Variants in RARB observed in about 807,000 individuals in gnomAD.
RARB encodes the protein retinoic acid receptor beta, also known as HBV-activated protein.
A neutral mutation model predicts 51.9 loss-of-function variants in RARB; 17 were observed. The ratio of observed to expected loss-of-function variants is 0.33; its 90% CI spans 0.22 to 0.49. The LOEUF is 0.49. Ranked by LOEUF, RARB falls within the 20% of genes least tolerant of loss-of-function variation. The pLI is 0.99. For synonymous variants in RARB, 215 were observed against 195.4 expected, an observed-to-expected ratio of 1.10 and a Z score of -0.84; for missense variants, 369 against 550.8, an observed-to-expected ratio of 0.67 and a Z score of 3.30.
chr3:25,530,991 T>A (rs1260623060), intron 3 of RARB, among the ~76,000 whole-genome samples: 1 of 152,152 alleles, frequency 6.6e-6, no homozygotes, highest in Non-Finnish European at 1.5e-5. Context: ...ATGCATATAG[T>A]TTTTGTTTAG....
chr3:25,085,407 C>G (rs969121625), intron 3 of RARB, among the ~76,000 whole-genome samples: 7 of 152,190 alleles, frequency 4.6e-5, no homozygotes, highest in Admixed American at 2.6e-4. Context: ...ACTCATTCTT[C>G]AAAGATTTTC....
At chr3:25,505,882 T>C (rs150118699) in intron 3 of RARB, among the ~76,000 whole-genome samples, 85 of 152,252 alleles carry the variant, frequency 5.6e-4, no homozygotes, top group African/African-American at 1.7e-3. Flanking sequence ...AATGAAGGCA[T>C]AACATTTGGA....
chr3:25,229,950 T>C (rs1023734932), intron 5 of RARB, among the ~76,000 whole-genome samples: 1 of 152,136 alleles, frequency 6.6e-6, no homozygotes, highest in Non-Finnish European at 1.5e-5. Context: ...TTTGAGATTA[T>C]CAAAGACTTG....
chr3:25,513,392 G>A (rs2125623401), intron 3 of RARB, among the ~76,000 whole-genome samples: 1 of 152,254 alleles, frequency 6.6e-6, no homozygotes, highest in South Asian at 2.1e-4. Flanking sequence ...TTCTGAATCA[G>A]GAACTTCTGT....
At chr3:25,497,800 C>A (rs1270199287) in intron 2 of RARB, among the ~76,000 whole-genome samples, 1 of 152,214 alleles carries the variant, frequency 6.6e-6, no homozygotes, top group African/African-American at 2.4e-5. Context: ...CTCCTCTTCT[C>A]CAGATGTGTC....
At chr3:25,201,816 T>C (rs1405710863) in intron 5 of RARB, among the ~76,000 whole-genome samples, 1 of 152,216 alleles carries the variant, frequency 6.6e-6, no homozygotes, top group Admixed American at 6.5e-5. Context: ...TTTGATGTGC[T>C]GCTGGATTTG....
At chr3:25,191,592 G>A (rs1324020221) in intron 5 of RARB, among the ~76,000 whole-genome samples, 1 of 152,086 alleles carries the variant, frequency 6.6e-6, no homozygotes, top group African/African-American at 2.4e-5. Flanking sequence ...GATCCATATT[G>A]AGCTTTTAAA....
At chr3:25,240,198 T>C (rs1053918959) in intron 5 of RARB, among the ~76,000 whole-genome samples, 3 of 152,152 alleles carry the variant, frequency 2.0e-5, no homozygotes, top group South Asian at 2.1e-4. Flanking sequence ...CCTGCAACTT[T>C]GCTGAATTTA....
chr3:24,903,411 G>A (rs553412519), intron 2 of RARB, among the ~76,000 whole-genome samples: 4 of 152,152 alleles, frequency 2.6e-5, no homozygotes, highest in South Asian at 2.1e-4. Context: ...TTTCCCCGGT[G>A]TTTAGAAGCT....
At chr3:25,331,938 A>G (rs1344964721) in intron 5 of RARB, among the ~76,000 whole-genome samples, 1 of 152,172 alleles carries the variant, frequency 6.6e-6, no homozygotes, top group African/African-American at 2.4e-5. Context: ...AAATGGATAA[A>G]TACCTGGACA....
At chr3:25,255,874 G>C (rs963178687) in intron 5 of RARB, among the ~76,000 whole-genome samples, 1 of 151,992 alleles carries the variant, frequency 6.6e-6, no homozygotes, top group Admixed American at 6.6e-5. Flanking sequence ...ATTACTTTAC[G>C]TCTGTTTATT....
At chr3:25,310,614 G>A (rs755372646) in intron 5 of RARB, among the ~76,000 whole-genome samples, 2 of 152,148 alleles carry the variant, frequency 1.3e-5, no homozygotes. Flanking sequence ...GTCCAGGCTG[G>A]GAGCTGGAAT....
intron 5 of RARB, among the ~76,000 whole-genome samples, chr3:25,420,991 C>CAAA (rs1204249206): frequency 6.3e-5 from 8 of 126,232 alleles, no homozygotes; most frequent in African/African-American, 1.4e-4. Context: ...CCACTTATGC[C>CAAA]AAAAAAAAAA....
At chr3:24,991,443 C>CAAAAAA (rs371185277) in intron 2 of RARB, among the ~76,000 whole-genome samples, 2,921 of 138,644 alleles carry the variant, frequency 0.021, 109 homozygotes, top group African/African-American at 0.074. Flanking sequence ...AACTCTGTCT[C>CAAAAAA]AAAAAAAAAA....
chr3:24,973,865 T>G (rs1696452451), intron 2 of RARB, among the ~76,000 whole-genome samples: 1 of 152,204 alleles, frequency 6.6e-6, no homozygotes, highest in South Asian at 2.1e-4. Flanking sequence ...GCCTTTAGAT[T>G]TTTTAAAATG....
In RARB at chr3:25,054,873, G is replaced by A. The variant is rs149265204; in HGVS notation, c.-379-5252G>A. On this transcript the variant is annotated intron_variant, in intron 2 of 11. Coordinates refer to the RARB transcript ENST00000383772. ...TATTGAGCTAGTTCAAAGCAATCTC[G>A]ATTATTGAAAATGAATGAAATTGAA... Among the ~76,000 whole-genome samples the A allele has an allele frequency of 1.4e-3, 213 of 152,256 alleles. 1 individual carries two copies. The highest frequency in any genetic ancestry group is 4.8e-3 in the African/African-American group (198 of 41,564).
At chr3:25,347,196 G>A (rs1705420243) in intron 5 of RARB, among the ~76,000 whole-genome samples, 1 of 152,210 alleles carries the variant, frequency 6.6e-6, no homozygotes, top group Admixed American at 6.6e-5. Flanking sequence ...TCTAGAGCTG[G>A]CTGGCTGACT....
intron 4 of RARB, among the ~76,000 whole-genome samples, chr3:25,171,252 A>G (rs1228469088): frequency 6.6e-6 from 1 of 152,040 alleles, no homozygotes; most frequent in Admixed American, 6.6e-5. Flanking sequence ...AGAACCCCAG[A>G]TGAGCACAAA....
At chr3:25,463,613 A>T (rs563146886) in intron 2 of RARB, among the ~76,000 whole-genome samples, 5 of 151,950 alleles carry the variant, frequency 3.3e-5, no homozygotes, top group African/African-American at 1.2e-4. Context: ...CAGTAAGCCG[A>T]GATCGCGCCA....
Sources: allele counts gnomAD v4.1 joint callset (sites outside exome capture counted in the v4.1 genomes callset), GRCh38; gene constraint gnomAD v4.1.1; transcripts MANE v1.5; gene names NCBI Gene and HGNC (gene_info 2026-07-23, HGNC 2026-07-21).